Variants in DLG2 observed in about 807,000 individuals in gnomAD.
The protein encoded by DLG2 is disks large homolog 2.
Under a neutral mutation model 132.5 loss-of-function variants are expected in DLG2, and 45 were observed. The observed-to-expected ratio is 0.34, with a 90% CI of 0.27 to 0.44. DLG2 has a LOEUF of 0.44. DLG2 is among the 20% of genes least tolerant of loss of function. DLG2 has a pLI of 1.00. For missense variants in DLG2, 1,045 were observed against 1,196.9 expected, an observed-to-expected ratio of 0.87 and a Z score of 1.87; for synonymous variants, 424 against 419.6, an observed-to-expected ratio of 1.01 and a Z score of -0.13.
At chr11:83,677,143 T>TATGA (rs1220045279) in intron 18 of DLG2, among the ~76,000 whole-genome samples, 1 of 152,150 alleles carries the variant, frequency 6.6e-6, no homozygotes, top group Non-Finnish European at 1.5e-5. Flanking sequence ...CTTATAATCA[T>TATGA]ATGAATGATT....
chr11:85,610,078 T>A (rs1258615174), intron 2 of DLG2, among the ~76,000 whole-genome samples: 1 of 152,158 alleles, frequency 6.6e-6, no homozygotes, highest in African/African-American at 2.4e-5. Context: ...AGTCTGGGCA[T>A]TGGAAGGATA....
At chr11:85,451,179 C>T (rs1210307987) in intron 3 of DLG2, among the ~76,000 whole-genome samples, 1 of 152,162 alleles carries the variant, frequency 6.6e-6, no homozygotes, top group Non-Finnish European at 1.5e-5. Context: ...TTATTATTGT[C>T]AAAAGTCTAA....
At chr11:85,613,992 A>G (rs1255633639) in intron 2 of DLG2, among the ~76,000 whole-genome samples, 1 of 152,200 alleles carries the variant, frequency 6.6e-6, no homozygotes, top group Non-Finnish European at 1.5e-5. Context: ...ATGCACCGCG[A>G]AGGTCTGCAG....
intron 3 of DLG2, among the ~76,000 whole-genome samples, chr11:85,502,210 T>C (rs1387769873): frequency 2.7e-5 from 4 of 150,286 alleles, no homozygotes; most frequent in Admixed American, 1.3e-4. Context: ...TAAGTGGGAG[T>C]TGAACAATGA....
chr11:85,238,910 C>G (rs1328738250), intron 4 of DLG2, among the ~76,000 whole-genome samples: 2 of 151,734 alleles, frequency 1.3e-5, no homozygotes, highest in African/African-American at 4.8e-5. Flanking sequence ...AGCTGCAAAC[C>G]TCAATATGTA....
intron 6 of DLG2, among the ~76,000 whole-genome samples, chr11:84,541,188 T>TAATA (rs1555016631): frequency 0.026 from 3,001 of 113,886 alleles, 87 homozygotes; most frequent in African/African-American, 0.088. Context: ...CTTGAAGTAT[T>TAATA]ATAATAATAA....
chr11:83,970,295 C>A (rs1260700169), intron 12 of DLG2, among the ~76,000 whole-genome samples: 1 of 152,144 alleles, frequency 6.6e-6, no homozygotes, highest in Non-Finnish European at 1.5e-5. Context: ...CCTTCAACAA[C>A]ATTTTCATAG....
chr11:84,710,503 G>A (rs972111092), intron 6 of DLG2, among the ~76,000 whole-genome samples: 1 of 151,836 alleles, frequency 6.6e-6, no homozygotes, highest in Non-Finnish European at 1.5e-5. Context: ...CATGTGAGTA[G>A]CTGCCATCTT....
chr11:83,726,678 G>C (rs1350778708), intron 18 of DLG2, among the ~76,000 whole-genome samples: 1 of 152,128 alleles, frequency 6.6e-6, no homozygotes, highest in Non-Finnish European at 1.5e-5. Context: ...AAACAGGTCA[G>C]CCACAAGTGG....
chr11:83,920,067 C>A (rs912120435), intron 15 of DLG2, among the ~76,000 whole-genome samples: 3 of 152,144 alleles, frequency 2.0e-5, no homozygotes, highest in African/African-American at 7.2e-5. Flanking sequence ...TGACACAGTG[C>A]GTGCCAGAAG....
chr11:83,784,518 T>C (rs1382248897), intron 18 of DLG2, among the ~76,000 whole-genome samples: 1 of 152,212 alleles, frequency 6.6e-6, no homozygotes, highest in East Asian at 1.9e-4. Flanking sequence ...CTTTGGCATT[T>C]TGTAAAAAGC....
At chr11:84,223,677 C>G (rs1028091779) in intron 8 of DLG2, among the ~76,000 whole-genome samples, 2 of 152,000 alleles carry the variant, frequency 1.3e-5, no homozygotes, top group African/African-American at 2.4e-5. Flanking sequence ...CTGCCTCAGC[C>G]TCCCAAGTAG....
rs532405981 is a variant in DLG2, at chr11:84,475,436, T to C, written c.519+59134A>G. ...CTCTGGAAGGCTTTCTATTTTATTA[T>C]GGGGACTCCTCTAAGGGTGATTTGT... On this transcript the variant is annotated intron_variant, in intron 7 of 27. Transcript: ENST00000376104. Among the ~76,000 whole-genome samples the C allele has an allele frequency of 4.6e-5, 7 of 152,222 alleles. No individual in the cohort carries two copies. In the East Asian group the frequency reaches 1.4e-3, roughly 30 times the overall value.
intron 8 of DLG2, among the ~76,000 whole-genome samples, chr11:84,224,535 T>C (rs750913162): frequency 3.3e-5 from 5 of 152,226 alleles, no homozygotes; most frequent in Non-Finnish European, 5.9e-5. Flanking sequence ...ATACACTTTG[T>C]ACTATGTGCC....
chr11:84,357,332 T>A (rs1201544427), intron 7 of DLG2, among the ~76,000 whole-genome samples: 1 of 152,024 alleles, frequency 6.6e-6, no homozygotes, highest in Non-Finnish European at 1.5e-5. Context: ...ACATAATGTA[T>A]CAAAAGGCAC....
chr11:85,036,216 GA>G (rs1349450470), intron 6 of DLG2, among the ~76,000 whole-genome samples: 1 of 152,142 alleles, frequency 6.6e-6, no homozygotes, highest in Non-Finnish European at 1.5e-5. Flanking sequence ...GTTACCTTAT[GA>G]GAGGCTTTTG....
intron 5 of DLG2, among the ~76,000 whole-genome samples, chr11:85,145,846 G>C (rs1340934282): frequency 6.6e-6 from 1 of 151,948 alleles, no homozygotes; most frequent in African/African-American, 2.4e-5. Flanking sequence ...GACTTATTTA[G>C]TTTGTTTAGT....
chr11:83,491,456 T>C (rs2093839995), intron 21 of DLG2, among the ~76,000 whole-genome samples: 1 of 152,044 alleles, frequency 6.6e-6, no homozygotes, highest in African/African-American at 2.4e-5. Context: ...TTCTGTGAAA[T>C]GGAATCCCAG....
chr11:83,772,409 C>T (rs1188739423), intron 18 of DLG2, among the ~76,000 whole-genome samples: 1 of 95,236 alleles, frequency 1.1e-5, no homozygotes, highest in Non-Finnish European at 2.0e-5. Flanking sequence ...GACCCTGTCT[C>T]AATAAAAAAG....
Sources: gnomAD v4.1 joint callset for allele counts (sites outside exome capture counted in the v4.1 genomes callset) on GRCh38, gnomAD v4.1.1 for gene constraint, MANE v1.5 for transcripts, NCBI Gene and HGNC (gene_info 2026-07-23, HGNC 2026-07-21) for gene names.